Variants in PRR16 observed in about 807,000 individuals in gnomAD.
PRR16 encodes proline rich 16, also known as protein Largen.
PRR16 carries 6 observed loss-of-function variants against 18.2 expected under a neutral mutation model. The observed-to-expected ratio is 0.33, with a 90% CI of 0.18 to 0.65. PRR16 has a LOEUF of 0.65. Ranked by LOEUF, PRR16 falls within the 30% of genes least tolerant of loss-of-function variation. The probability of loss-of-function intolerance (pLI) is 0.74; values close to 1 mark genes in which losing one functional copy is unlikely to be tolerated. For synonymous variants in PRR16, 151 were observed against 147.8 expected (o/e 1.02, Z -0.16); for missense variants, 412 against 376.6 (o/e 1.09, Z -0.78).
intron 1 of PRR16, among the ~76,000 whole-genome samples, chr5:120,626,078 A>G (rs1243684751): frequency 6.6e-6 from 1 of 152,222 alleles, no homozygotes; most frequent in East Asian, 1.9e-4. Context: ...GAACATCTAA[A>G]TTTATGCTTT....
At chr5:120,781,062 T>C in the PRR16 span, among the ~76,000 whole-genome samples, 3,419 of 152,216 alleles carry the variant, frequency 0.022, 144 homozygotes, top group African/African-American at 0.079. Flanking sequence ...AATATCTATG[T>C]ATCTATCTAA....
chr5:120,620,379 A>C (rs79448145), intron 1 of PRR16, among the ~76,000 whole-genome samples: 4,057 of 152,242 alleles, frequency 0.027, 53 homozygotes, highest in Middle Eastern at 0.044. Flanking sequence ...GTGATTGATG[A>C]CCTGCAGGAA....
the PRR16 span, among the ~76,000 whole-genome samples, chr5:120,776,371 A>G: frequency 2.0e-5 from 3 of 152,152 alleles, no homozygotes; most frequent in East Asian, 3.9e-4. Flanking sequence ...CAGGCCACAA[A>G]TGTACATTTT....
chr5:120,532,859 G>C (rs1182671847), intron 1 of PRR16, among the ~76,000 whole-genome samples: 1 of 152,092 alleles, frequency 6.6e-6, no homozygotes, highest in Admixed American at 6.6e-5. Flanking sequence ...AAAGTAATTA[G>C]TAACTTTTGT....
chr5:120,732,296 C>T, the PRR16 span, among the ~76,000 whole-genome samples: 12 of 152,272 alleles, frequency 7.9e-5, no homozygotes, highest in African/African-American at 2.6e-4. Context: ...TCACGCTTAA[C>T]GTGAGTAGGA....
At chr5:120,759,348 A>G in the PRR16 span, among the ~76,000 whole-genome samples, 3 of 152,126 alleles carry the variant, frequency 2.0e-5, no homozygotes, top group Non-Finnish European at 4.4e-5. Context: ...TTTTAGTGCT[A>G]TATTAAAATC....
At chr5:120,530,637 A>G (rs1046497444) in intron 1 of PRR16, among the ~76,000 whole-genome samples, 1 of 152,128 alleles carries the variant, frequency 6.6e-6, no homozygotes, top group African/African-American at 2.4e-5. Flanking sequence ...TGATGGTCAT[A>G]AAGCAGCATA....
intron 1 of PRR16, among the ~76,000 whole-genome samples, chr5:120,643,270 A>G (rs1755482620): frequency 6.6e-6 from 1 of 151,726 alleles, no homozygotes; most frequent in Admixed American, 6.6e-5. Context: ...TTTTCTTTTT[A>G]GCTTCTCTAT....
chr5:120,518,512 T>C (rs1232828380), intron 1 of PRR16, among the ~76,000 whole-genome samples: 2 of 151,982 alleles, frequency 1.3e-5, no homozygotes, highest in African/African-American at 4.8e-5. Context: ...CTTGTTTACC[T>C]TCAGAGAAAG....
chr5:120,529,737 G>GT (rs1162859702), intron 1 of PRR16, among the ~76,000 whole-genome samples: 2 of 152,132 alleles, frequency 1.3e-5, no homozygotes, highest in Admixed American at 1.3e-4. Flanking sequence ...AGTAGTGACT[G>GT]TGAGTCTAAG....
chr5:120,674,082 A>C lies in PRR16; in HGVS notation c.160-11872A>C, dbSNP rs112126998. On this transcript the variant is annotated intron_variant, in intron 1 of 1. Coordinates refer to ENST00000407149, the MANE Select transcript of PRR16 (RefSeq NM_001300783.2). Reference sequence around the variant, plus strand: ...GAAATTGAGCTCTAAAATTTCAACTACTATCTAAACTCTTACATGTCGACG... The same window carrying C: ...GAAATTGAGCTCTAAAATTTCAACTCCTATCTAAACTCTTACATGTCGACG... Among the ~76,000 whole-genome samples, 774 of 152,250 alleles carry C rather than the reference A, an allele frequency of 5.1e-3. 1 individual carries two copies. Among genetic ancestry groups the C allele is most frequent in the African/African-American group, 0.018 (741 of 41,540 alleles).
intron 1 of PRR16, among the ~76,000 whole-genome samples, chr5:120,641,624 C>T (rs1755425138): frequency 6.6e-6 from 1 of 152,078 alleles, no homozygotes; most frequent in Non-Finnish European, 1.5e-5. Context: ...GGGAGACACC[C>T]TCTCAACTGC....
chr5:120,490,703 G>A (rs539777946), intron 1 of PRR16, among the ~76,000 whole-genome samples: 51 of 152,340 alleles, frequency 3.3e-4, no homozygotes, highest in African/African-American at 4.6e-4. Flanking sequence ...GAGGAACTGC[G>A]TTCCTTTGGA....
intron 1 of PRR16, among the ~76,000 whole-genome samples, chr5:120,579,880 C>A (rs1486711663): frequency 1.3e-5 from 2 of 152,192 alleles, no homozygotes; most frequent in Non-Finnish European, 2.9e-5. Context: ...AATGCTTTTC[C>A]ATTTGTTTGT....
chr5:120,672,690 A>C (rs1756652408), intron 1 of PRR16, among the ~76,000 whole-genome samples: 1 of 152,126 alleles, frequency 6.6e-6, no homozygotes, highest in Non-Finnish European at 1.5e-5. Context: ...ATGCTTGCAG[A>C]ATATTTTTTA....
At chr5:120,754,621 AT>A in the PRR16 span, among the ~76,000 whole-genome samples, 3 of 62,376 alleles carry the variant, frequency 4.8e-5, no homozygotes, top group Non-Finnish European at 5.6e-5. Context: ...ATTATTATAT[AT>A]TTATATATAA....
chr5:120,559,333 G>A (rs1264441231), intron 1 of PRR16, among the ~76,000 whole-genome samples: 1 of 151,530 alleles, frequency 6.6e-6, no homozygotes, highest in Non-Finnish European at 1.5e-5. Flanking sequence ...TGTGATGAGA[G>A]GTAAGGGTCT....
At chr5:120,730,821 C>T in the PRR16 span, among the ~76,000 whole-genome samples, 1 of 152,084 alleles carries the variant, frequency 6.6e-6, no homozygotes, top group Non-Finnish European at 1.5e-5. Context: ...TTGTTATTTA[C>T]CCTGAGATGA....
chr5:120,673,812 C>T (rs899939019), intron 1 of PRR16, among the ~76,000 whole-genome samples: 2 of 151,636 alleles, frequency 1.3e-5, no homozygotes, highest in African/African-American at 2.4e-5. Context: ...AAAATTAGCC[C>T]GGCATGGTGG....
Sources: gnomAD v4.1 joint callset for allele counts (sites outside exome capture counted in the v4.1 genomes callset) on GRCh38, gnomAD v4.1.1 for gene constraint, MANE v1.5 for transcripts, NCBI Gene and HGNC (gene_info 2026-07-23, HGNC 2026-07-21) for gene names.